Variants in BTC observed in about 807,000 individuals in gnomAD.
The protein encoded by BTC is betacellulin, also known as probetacellulin.
BTC carries 13 observed loss-of-function variants against 18.1 expected under a neutral mutation model. The observed-to-expected ratio is 0.72, with a 90% CI of 0.47 to 1.14. The LOEUF (loss-of-function observed/expected upper bound fraction) is 1.14. Among genes scored for constraint, BTC ranks in the 50% most tolerant of loss-of-function variants. BTC has a pLI of 0.00. For synonymous variants in BTC, 83 were observed against 79.4 expected (o/e 1.05, Z -0.24); for missense variants, 247 against 224.2 (o/e 1.10, Z -0.65).
chr4:74,778,344 T>C lies in BTC; in HGVS notation c.65-8188A>G, dbSNP rs373385754. ...CTCTAAAATCTGGAGTGCCTCAATC[T>C]GGGTTTCCTAGAAAGCAGAACCTAA... is the stretch of plus-strand genomic sequence containing the variant. On this transcript the variant is annotated intron_variant, in intron 1 of 5. Coordinates refer to ENST00000395743, the MANE Select transcript of BTC (RefSeq NM_001729.4). 1.0e-3 allele frequency among the ~76,000 whole-genome samples: 154 copies of C among 152,286 alleles called. No individual in the cohort carries two copies. In the South Asian group the frequency reaches 0.014, roughly 14 times the overall value.
intron 2 of BTC, among the ~76,000 whole-genome samples, chr4:74,763,543 T>C (rs1724820688): frequency 6.6e-6 from 1 of 152,056 alleles, no homozygotes; most frequent in Admixed American, 6.5e-5. Context: ...ACATTTAATA[T>C]TGTAAAATAA....
intron 1 of BTC, among the ~76,000 whole-genome samples, chr4:74,786,826 T>C (rs909207803): frequency 9.9e-5 from 15 of 152,182 alleles, no homozygotes; most frequent in African/African-American, 2.4e-4. Context: ...ATAGAAGAAA[T>C]GCTATGGGAA....
chr4:74,755,040 T>C (rs1414738275), intron 3 of BTC, among the ~76,000 whole-genome samples: 8 of 152,136 alleles, frequency 5.3e-5, no homozygotes, highest in African/African-American at 1.9e-4. Flanking sequence ...CACGCATATT[T>C]CCTTTTTAAA....
chr4:74,778,611 G>A (rs377068309), intron 1 of BTC, among the ~76,000 whole-genome samples: 111 of 152,200 alleles, frequency 7.3e-4, no homozygotes, highest in African/African-American at 2.5e-3. Flanking sequence ...AAGCAGTCCA[G>A]TGGAAAAAAA....
At chr4:74,781,011 G>A (rs376519651) in intron 1 of BTC, among the ~76,000 whole-genome samples, 1 of 151,678 alleles carries the variant, frequency 6.6e-6, no homozygotes, top group Non-Finnish European at 1.5e-5. Flanking sequence ...CCTTGCCAAA[G>A]TGCAGTAATA....
At chr4:74,751,776 C>T (rs1724468449) in intron 3 of BTC, among the ~76,000 whole-genome samples, 1 of 152,184 alleles carries the variant, frequency 6.6e-6, no homozygotes, top group African/African-American at 2.4e-5. Context: ...CCAAAATTAT[C>T]TGTTGTAACC....
intron 1 of BTC, among the ~76,000 whole-genome samples, chr4:74,794,035 G>A (rs1725704278): frequency 6.6e-6 from 1 of 152,088 alleles, no homozygotes; most frequent in Non-Finnish European, 1.5e-5. Context: ...TCCGCCCTCG[G>A]GCCTTCTCAC....
At chr4:74,749,745 CAAA>C (rs71220725) in intron 4 of BTC, among the ~76,000 whole-genome samples, 5 of 54,900 alleles carry the variant, frequency 9.1e-5, no homozygotes, top group South Asian at 8.2e-4. Flanking sequence ...TCCTGCTCTG[CAAA>C]AAAAAAAAAA....
At chr4:74,776,732 T>G (rs925804887) in intron 1 of BTC, among the ~76,000 whole-genome samples, 2 of 152,144 alleles carry the variant, frequency 1.3e-5, no homozygotes, top group Non-Finnish European at 2.9e-5. Flanking sequence ...CATGACCAAC[T>G]TAAACAGTCA....
intron 3 of BTC, among the ~76,000 whole-genome samples, chr4:74,752,379 CTTT>C (rs5859439): frequency 7.5e-6 from 1 of 133,248 alleles, no homozygotes; most frequent in Admixed American, 7.7e-5. Flanking sequence ...GGGGGAATCA[CTTT>C]TTTTTTTTTT....
intron 2 of BTC, among the ~76,000 whole-genome samples, chr4:74,762,924 T>G (rs1412109819): frequency 2.0e-5 from 3 of 152,172 alleles, no homozygotes; most frequent in African/African-American, 7.2e-5. Flanking sequence ...TTTCAACACC[T>G]CTGGAATTGT....
intron 1 of BTC, among the ~76,000 whole-genome samples, chr4:74,772,897 C>A (rs979638564): frequency 2.6e-5 from 4 of 152,190 alleles, no homozygotes; most frequent in African/African-American, 9.6e-5. Flanking sequence ...CCTGCTGAGG[C>A]CTTCAAACAT....
chr4:74,789,449 T>C (rs920031447), intron 1 of BTC, among the ~76,000 whole-genome samples: 6 of 152,344 alleles, frequency 3.9e-5, no homozygotes, highest in Admixed American at 3.9e-4. Context: ...CTGCCAATTA[T>C]TCTTCTAAAA....
intron 1 of BTC, among the ~76,000 whole-genome samples, chr4:74,771,649 CA>C (rs1553958228): frequency 2.0e-5 from 3 of 151,990 alleles, no homozygotes; most frequent in Non-Finnish European, 4.4e-5. Flanking sequence ...AACATGTTTT[CA>C]AAGAAAGAAA....
At position 74,748,133 on chromosome 4, in the gene BTC, G is replaced by A. The variant is rs782271380; in HGVS notation, c.445C>T (p.Arg149Cys). 7 of 1,607,062 alleles carry A rather than the reference G, an allele frequency of 4.4e-6. No individual in the cohort carries two copies. Among genetic ancestry groups the A allele is most frequent in the East Asian group, 2.2e-5 (1 of 44,784 alleles). The change falls in exon 5 of 6, where the codon CGT becomes TGT. Residue 149 changes from arginine (R) to cysteine (C), a missense_variant. By Grantham distance (180) the Arg-to-Cys change is radical. Transcript: ENST00000395743. ...CTCCHPLRKR[R>C]KRKKKEEEME... Reference sequence around the variant, plus strand: ...TCTTCTTCTTTCTTCTTTCTTTTACGACGTTTCCGAAGAGGGCTTGGAAAA... The same window carrying A: ...TCTTCTTCTTTCTTCTTTCTTTTACAACGTTTCCGAAGAGGGCTTGGAAAA...
chr4:74,780,293 T>C (rs531915024), intron 1 of BTC, among the ~76,000 whole-genome samples: 9 of 152,328 alleles, frequency 5.9e-5, no homozygotes, highest in African/African-American at 1.9e-4. Context: ...CTGACTAGTA[T>C]AGAAAACCAC....
chr4:74,760,788 G>C (rs1329848923), intron 2 of BTC, among the ~76,000 whole-genome samples: 3 of 149,764 alleles, frequency 2.0e-5, no homozygotes, highest in African/African-American at 7.4e-5. Context: ...AGGCTGGAGT[G>C]CAGTGGCACA....
intron 1 of BTC, among the ~76,000 whole-genome samples, chr4:74,783,714 C>A (rs1249700936): frequency 6.6e-6 from 1 of 150,920 alleles, no homozygotes; most frequent in Non-Finnish European, 1.5e-5. Flanking sequence ...GGCAGCATGA[C>A]CATTGTCATG....
intron 3 of BTC, among the ~76,000 whole-genome samples, chr4:74,750,999 T>C (rs544532008): frequency 6.6e-6 from 1 of 152,286 alleles, no homozygotes; most frequent in East Asian, 1.9e-4. Flanking sequence ...AATTTTAGTC[T>C]CTGAATTCAA....
Sources: gnomAD v4.1 joint callset for allele counts (sites outside exome capture counted in the v4.1 genomes callset) on GRCh38, gnomAD v4.1.1 for gene constraint, MANE v1.5 for transcripts, NCBI Gene and HGNC (gene_info 2026-07-23, HGNC 2026-07-21) for gene names.